Variants in CSMD1 observed in about 807,000 individuals in gnomAD.
CSMD1 encodes CUB and Sushi multiple domains 1.
CSMD1 carries 213 observed loss-of-function variants against 417.5 expected under a neutral mutation model. The ratio of observed to expected loss-of-function variants is 0.51; its 90% CI spans 0.46 to 0.57. The LOEUF (loss-of-function observed/expected upper bound fraction) is 0.57. Among genes scored for constraint, CSMD1 ranks in the 20% least tolerant of loss-of-function variants. CSMD1 has a pLI of 0.00. For missense variants in CSMD1, 6,923 were observed against 4,529.7 expected, an observed-to-expected ratio of 1.53 and a Z score of -15.17; for synonymous variants, 2,862 against 1,736.8, an observed-to-expected ratio of 1.65 and a Z score of -16.11.
At chr8:3,749,751 T>C (rs1360597168) in intron 6 of CSMD1, among the ~76,000 whole-genome samples, 1 of 152,026 alleles carries the variant, frequency 6.6e-6, no homozygotes, top group African/African-American at 2.4e-5. Flanking sequence ...TTTCACGAAA[T>C]ATTGTATGTG....
chr8:3,167,112 C>T (rs1035688785), intron 37 of CSMD1, among the ~76,000 whole-genome samples: 18 of 152,018 alleles, frequency 1.2e-4, no homozygotes, highest in African/African-American at 4.4e-4. Context: ...TGGTGAAACC[C>T]CGTCTCTACT....
intron 5 of CSMD1, among the ~76,000 whole-genome samples, chr8:3,815,868 G>T (rs1801341425): frequency 6.6e-6 from 1 of 152,098 alleles, no homozygotes; most frequent in African/African-American, 2.4e-5. Context: ...AGCCAGTGAT[G>T]CTCCAGACTT....
chr8:2,962,288 G>A (rs951092915), intron 61 of CSMD1, among the ~76,000 whole-genome samples, 178 bp downstream of exon 61: 3 of 152,100 alleles, frequency 2.0e-5, no homozygotes, highest in South Asian at 2.1e-4. Flanking sequence ...TAAAAGAGGT[G>A]GCACATCAGT....
Position 4,025,286 on chromosome 8 carries a change from C to G in CSMD1, c.610+6619G>C, listed in dbSNP as rs538578659. Among the ~76,000 whole-genome samples, 93 of 152,294 alleles carry G rather than the reference C, an allele frequency of 6.1e-4. 2 individuals are homozygous for G. In the South Asian group the frequency reaches 0.018, roughly 30 times the overall value. Reference sequence around the variant, plus strand: ...TTTCTACCTTCTTGTATGCCCCTATCCAAAATCCACACAGTGGACCATCTT... The same window carrying G: ...TTTCTACCTTCTTGTATGCCCCTATGCAAAATCCACACAGTGGACCATCTT... On this transcript the variant is annotated intron_variant, in intron 4 of 69. Coordinates refer to ENST00000635120, the MANE Select transcript of CSMD1 (RefSeq NM_033225.6).
intron 5 of CSMD1, among the ~76,000 whole-genome samples, chr8:3,995,916 A>G (rs1270135275): frequency 6.6e-6 from 1 of 152,132 alleles, no homozygotes. Context: ...AAATACAGAG[A>G]GAGATTCCAG....
chr8:3,564,541 G>T (rs1403666436), intron 10 of CSMD1, among the ~76,000 whole-genome samples: 1 of 151,850 alleles, frequency 6.6e-6, no homozygotes, highest in African/African-American at 2.4e-5. Flanking sequence ...GTGTGTGTGT[G>T]TGTGTGTGTA....
chr8:3,942,059 G>C (rs889832589), intron 5 of CSMD1, among the ~76,000 whole-genome samples: 3 of 151,884 alleles, frequency 2.0e-5, no homozygotes, highest in South Asian at 2.1e-4. Context: ...TGTGAATTGG[G>C]CATGCAAGGG....
At chr8:4,515,597 G>A (rs990733826) in intron 2 of CSMD1, among the ~76,000 whole-genome samples, 15 of 152,242 alleles carry the variant, frequency 9.9e-5, no homozygotes, top group African/African-American at 3.4e-4. Context: ...CCTTACATGA[G>A]ACATCTAAAT....
At chr8:3,604,101 A>G (rs1801489812) in intron 8 of CSMD1, among the ~76,000 whole-genome samples, 1 of 152,238 alleles carries the variant, frequency 6.6e-6, no homozygotes, top group African/African-American at 2.4e-5. Flanking sequence ...CCTTCGAAGC[A>G]GGCTCTGTAC....
Position 3,810,067 on chromosome 8 carries a change from T to G in CSMD1, c.819-56025A>C, listed in dbSNP as rs560768045. ...CTCTGTCACACCTACATATTTTTAT[T>G]ATCATGCTTGTCACATTTAAATGTT... On this transcript the variant is annotated intron_variant, in intron 5 of 69. Transcript: ENST00000635120. Among the ~76,000 whole-genome samples, 3 of 152,288 alleles carry G rather than the reference T, an allele frequency of 2.0e-5. No individual in the cohort carries two copies. In the South Asian group the frequency reaches 6.2e-4, roughly 32 times the overall value.
chr8:2,963,329 C>A lies in CSMD1; in HGVS notation c.9347G>T (p.Gly3116Val). The A allele has an allele frequency of 6.2e-7, 1 of 1,613,942 alleles. No individual in the cohort carries two copies. Among genetic ancestry groups the A allele is most frequent in the Non-Finnish European group, 8.5e-7 (1 of 1,179,868 alleles). The change falls in exon 60 of 70, where the codon GGC (glycine) becomes GTC (valine). Residue 3116 changes from glycine to valine, a missense_variant. Gly to Val is a moderately radical substitution (Grantham distance 109). Transcript: ENST00000635120. ...GTVEGSDFRW[G>V]SSISYSCMDG... is the part of the protein sequence containing the mutation. ...CATGCAGCTGTAACTTATGCTGGAG[C>A]CCCAGCGGAAATCACTTCCCTCCAC...
chr8:4,946,873 A>C (rs1036861478), intron 1 of CSMD1, among the ~76,000 whole-genome samples: 2 of 152,004 alleles, frequency 1.3e-5, no homozygotes, highest in African/African-American at 4.8e-5. Flanking sequence ...AATCATAGCC[A>C]TGATTTAATA....
intron 3 of CSMD1, among the ~76,000 whole-genome samples, chr8:4,187,063 C>G (rs1245724591): frequency 6.6e-6 from 1 of 152,100 alleles, no homozygotes; most frequent in Non-Finnish European, 1.5e-5. Flanking sequence ...AATGTTTGCT[C>G]AAATTGAAAC....
chr8:3,214,142 C>G (rs1797762199), intron 30 of CSMD1, among the ~76,000 whole-genome samples: 1 of 151,746 alleles, frequency 6.6e-6, no homozygotes, highest in Non-Finnish European at 1.5e-5. Context: ...CCACGCCCGG[C>G]TAGAAGTAAG....
At chr8:3,901,293 T>C (rs956086511) in intron 5 of CSMD1, among the ~76,000 whole-genome samples, 3 of 152,222 alleles carry the variant, frequency 2.0e-5, no homozygotes, top group Non-Finnish European at 2.9e-5. Flanking sequence ...TTTCCCTTTT[T>C]CTTTCTGCAT....
At chr8:2,973,531 T>C (rs1049439384) in intron 56 of CSMD1, among the ~76,000 whole-genome samples, 1 of 152,132 alleles carries the variant, frequency 6.6e-6, no homozygotes, top group Non-Finnish European at 1.5e-5. Flanking sequence ...TATTCAAATA[T>C]GGTTGTGAGA....
At chr8:4,619,919 A>G (rs1026505254) in intron 2 of CSMD1, among the ~76,000 whole-genome samples, 4 of 152,128 alleles carry the variant, frequency 2.6e-5, no homozygotes, top group African/African-American at 9.6e-5. Flanking sequence ...ACAACAAAAT[A>G]TCAAATATTA....
chr8:4,556,930 G>A (rs1397068757), intron 2 of CSMD1, among the ~76,000 whole-genome samples: 1 of 152,198 alleles, frequency 6.6e-6, no homozygotes, highest in Non-Finnish European at 1.5e-5. Flanking sequence ...CAGCATTTCA[G>A]ATAAGTGATA....
At chr8:4,340,808 T>G (rs1800432193) in intron 3 of CSMD1, among the ~76,000 whole-genome samples, 1 of 152,126 alleles carries the variant, frequency 6.6e-6, no homozygotes, top group Non-Finnish European at 1.5e-5. Context: ...TTAACTATGC[T>G]GCTTACCCAC....
Sources: gnomAD v4.1 joint callset for allele counts (sites outside exome capture counted in the v4.1 genomes callset) on GRCh38, gnomAD v4.1.1 for gene constraint, MANE v1.5 for transcripts, NCBI Gene and HGNC (gene_info 2026-07-23, HGNC 2026-07-21) for gene names.